AGAP1: variants seen among roughly 807,000 people sequenced by gnomAD.
AGAP1 encodes the protein ArfGAP with GTPase domain, ankyrin repeat and PH domain 1.
In AGAP1, 29 loss-of-function variants were observed where a neutral mutation model predicts 105.3. That is an observed-to-expected ratio of 0.28 (90% CI 0.21 to 0.38). AGAP1 has a LOEUF of 0.38. Ranked by LOEUF, AGAP1 falls within the 10% of genes least tolerant of loss-of-function variation. The pLI is 1.00. For missense variants in AGAP1, 998 were observed against 1,165.1 expected (o/e 0.86, Z 2.09); for synonymous variants, 509 against 485.9 (o/e 1.05, Z -0.63).
chr2:235,949,197 C>G (rs1349721993), intron 12 of AGAP1, among the ~76,000 whole-genome samples: 1 of 152,116 alleles, frequency 6.6e-6, no homozygotes, highest in African/African-American at 2.4e-5. Context: ...ACGTTGAGTT[C>G]CCTAAACCCA....
chr2:235,540,812 C>T (rs891729977), intron 1 of AGAP1, among the ~76,000 whole-genome samples: 11 of 152,140 alleles, frequency 7.2e-5, no homozygotes, highest in African/African-American at 2.7e-4. Context: ...AGAAACACTT[C>T]AGGGCTGGTG....
chr2:235,628,345 G>A (rs982814000), intron 1 of AGAP1, among the ~76,000 whole-genome samples: 3 of 152,208 alleles, frequency 2.0e-5, no homozygotes, highest in African/African-American at 7.2e-5. Context: ...CCACTGCCCT[G>A]TGCTTGTTCC....
chr2:235,920,926 G>A (rs1177662927), intron 11 of AGAP1, among the ~76,000 whole-genome samples: 1 of 152,152 alleles, frequency 6.6e-6, no homozygotes, highest in African/African-American at 2.4e-5. Flanking sequence ...GGGGCATACT[G>A]TTATCATTAT....
At position 235,689,789 on chromosome 2, in the gene AGAP1, G is replaced by A. The variant is rs1438830057; in HGVS notation, c.164-19390G>A. On this transcript the variant is annotated intron_variant, in intron 1 of 17. Transcript: ENST00000304032. This position sits in a 1 kb window ranked among gnomAD's most constrained non-coding sequence, Gnocchi z 4.2. ...GCACACTTGTGTGACGTGTCAGCTC[G>A]TGCCTGCAGAGACTCTGCCAGCAGG... Among the ~76,000 whole-genome samples, 9 of 152,216 alleles carry A rather than the reference G, an allele frequency of 5.9e-5. No homozygotes were observed. The highest frequency in any genetic ancestry group is 2.2e-4 in the African/African-American group (9 of 41,460).
chr2:235,894,330 A>G (rs932665702), intron 10 of AGAP1, among the ~76,000 whole-genome samples: 2 of 152,186 alleles, frequency 1.3e-5, no homozygotes, highest in Admixed American at 6.5e-5. Context: ...CTACACTCAC[A>G]TCCTTGAGTC....
At chr2:236,066,891 G>A (rs891038783) in intron 16 of AGAP1, among the ~76,000 whole-genome samples, 1 of 152,092 alleles carries the variant, frequency 6.6e-6, no homozygotes, top group Non-Finnish European at 1.5e-5. Context: ...CATGGAAATG[G>A]AATTATATGG....
Position 235,709,195 on chromosome 2 carries a change from C to G in AGAP1, c.180C>G (p.Ser60Arg), listed in dbSNP as rs1264446536. The change falls in exon 2 of 18, where the codon AGC (serine) becomes AGG (arginine). Residue 60 changes from serine (S) to arginine (R), a missense_variant. This residue lies in a region of AGAP1 where 735 missense variants were observed against 833.4 expected (regional missense o/e 0.88). Coordinates refer to ENST00000304032, the MANE Select transcript of AGAP1 (RefSeq NM_001037131.3). ...VIAIEDAFVN[S>R]QEWTLSRSVP... ...CTTTTTCAGATGCCTTCGTGAACAGCCAGGAATGGACGCTGAGTCGATCTG... is the reference window on the plus strand; with the variant it reads ...CTTTTTCAGATGCCTTCGTGAACAGGCAGGAATGGACGCTGAGTCGATCTG... 4.3e-6 allele frequency: 7 copies of G among 1,614,066 alleles called. No homozygotes were observed. Among genetic ancestry groups the G allele is most frequent in the Non-Finnish European group, 5.9e-6 (7 of 1,180,018 alleles).
chr2:235,822,428 A>T (rs1269367452), intron 9 of AGAP1, among the ~76,000 whole-genome samples: 1 of 145,308 alleles, frequency 6.9e-6, no homozygotes, highest in East Asian at 2.1e-4. Context: ...TGAGGGGGAG[A>T]TGGAGAAACT....
chr2:235,563,894 C>T (rs1944252087), intron 1 of AGAP1, among the ~76,000 whole-genome samples: 1 of 152,026 alleles, frequency 6.6e-6, no homozygotes. Flanking sequence ...GTGGCTCCAG[C>T]AGGTTAAGAA....
At chr2:235,881,367 G>A (rs573709639) in intron 9 of AGAP1, among the ~76,000 whole-genome samples, 47 of 152,260 alleles carry the variant, frequency 3.1e-4, no homozygotes, top group African/African-American at 1.1e-3. Context: ...CTTTCTCAAA[G>A]CGTCTTCTTG....
chr2:236,036,523 T>G lies in AGAP1; in HGVS notation c.1646-38T>G, dbSNP rs1221801391. On this transcript the variant is annotated intron_variant, in intron 13 of 17. Transcript: ENST00000304032. This position sits in a 1 kb window ranked among gnomAD's most constrained non-coding sequence, Gnocchi z 5.7. ...GGCCCGCAGGGGGACTGCTGTCTCA[T>G]AAAAGCTAAACTCTTCATCCCACAC... The G allele has an allele frequency of 6.2e-7, 1 of 1,607,860 alleles. No homozygotes were observed. The highest frequency in any genetic ancestry group is 1.3e-5 in the African/African-American group (1 of 74,746).
chr2:236,088,831 AC>A (rs1177784932), intron 16 of AGAP1, among the ~76,000 whole-genome samples: 1 of 152,188 alleles, frequency 6.6e-6, no homozygotes, highest in African/African-American at 2.4e-5. Flanking sequence ...GTGTTCCAGA[AC>A]CTATCACGGT....
At chr2:235,813,587 G>A (rs762949477) in intron 9 of AGAP1, among the ~76,000 whole-genome samples, 1 of 152,208 alleles carries the variant, frequency 6.6e-6, no homozygotes, top group Non-Finnish European at 1.5e-5. Context: ...GCAGTCAGGC[G>A]GGTTGTGGGG....
intron 6 of AGAP1, among the ~76,000 whole-genome samples, chr2:235,778,390 G>A (rs373277021): frequency 2.6e-5 from 4 of 152,194 alleles, no homozygotes; most frequent in African/African-American, 9.7e-5. Context: ...CATCTCTTTA[G>A]TGTCTTTCTC....
In AGAP1 at chr2:235,973,105, A is replaced by G. The variant is rs1482828938; in HGVS notation, c.1645+4482A>G. 3.9e-5 allele frequency among the ~76,000 whole-genome samples: 6 copies of G among 152,190 alleles called. No homozygotes were observed. Among genetic ancestry groups the G allele is most frequent in the Non-Finnish European group, 7.3e-5 (5 of 68,030 alleles). On this transcript the variant is annotated intron_variant, in intron 13 of 17. Coordinates refer to ENST00000304032, the MANE Select transcript of AGAP1 (RefSeq NM_001037131.3). The surrounding 1 kb of genome is among the most constrained non-coding windows in gnomAD (Gnocchi z 4.7). ...CATCAGTACCTGCTGCTGCAAACCC[A>G]GAAACACTGTGTCTACACGGGGCTG...
rs1289221458 is a variant in AGAP1 at position 236,121,335 on chromosome 2, C to T, written c.2370+888C>T. 6.6e-6 allele frequency among the ~76,000 whole-genome samples: 1 copy of T among 152,234 alleles called. No homozygotes were observed. Among genetic ancestry groups the T allele is most frequent in the Non-Finnish European group, 1.5e-5 (1 of 68,044 alleles). ...TGTTTTTTTGAGACAGAGTCTCGCT[C>T]TGTCACCCAGGCTGGAGTGCAGTGG... On this transcript the variant is annotated intron_variant, in intron 17 of 17. Transcript: ENST00000304032. This position sits in a 1 kb window ranked among gnomAD's most constrained non-coding sequence, Gnocchi z 4.9.
chr2:235,804,314 C>A (rs1957730995), intron 8 of AGAP1, among the ~76,000 whole-genome samples: 1 of 152,122 alleles, frequency 6.6e-6, no homozygotes, highest in Admixed American at 6.5e-5. Context: ...AAAAAGCTTA[C>A]CATATAATGT....
chr2:235,758,715 C>T (rs73996355), intron 6 of AGAP1, among the ~76,000 whole-genome samples: 2,583 of 152,204 alleles, frequency 0.017, 66 homozygotes, highest in African/African-American at 0.056. Context: ...AGCACTTATG[C>T]GGTACCAATA....
chr2:235,590,644 T>TTTTTG (rs1309498198), intron 1 of AGAP1, among the ~76,000 whole-genome samples: 35 of 151,702 alleles, frequency 2.3e-4, no homozygotes, highest in Non-Finnish European at 1.6e-4. Flanking sequence ...GTTTCTGTTT[T>TTTTTG]TTTTGTTTTG....
Sources: gnomAD v4.1 joint callset for allele counts (sites outside exome capture counted in the v4.1 genomes callset) on GRCh38, gnomAD v4.1.1 for gene constraint, gnomAD v4.1.1 regional missense constraint, Gnocchi (gnomAD v3.1) non-coding constraint, MANE v1.5 for transcripts, NCBI Gene and HGNC (gene_info 2026-07-23, HGNC 2026-07-21) for gene names.